The following COL8A1 variants were observed in gnomAD, a reference collection of about 807,000 sequenced individuals.
COL8A1 encodes the protein collagen alpha-1(VIII) chain.
COL8A1 carries 21 observed loss-of-function variants against 42.7 expected under a neutral mutation model. That is an observed-to-expected ratio of 0.49 (90% CI 0.35 to 0.71). The LOEUF (loss-of-function observed/expected upper bound fraction) is 0.71. Ranked by LOEUF, COL8A1 falls within the 30% of genes least tolerant of loss-of-function variation. COL8A1 has a pLI of 0.01. For missense variants in COL8A1, 788 were observed against 962.4 expected (o/e 0.82, Z 2.40); for synonymous variants, 367 against 369.1 (o/e 0.99, Z 0.06).
intron 1 of COL8A1, among the ~76,000 whole-genome samples, chr3:99,684,866 T>C (rs1045478384): frequency 2.0e-5 from 3 of 152,206 alleles, no homozygotes; most frequent in Non-Finnish European, 2.9e-5. Context: ...GAAATATTTT[T>C]GGACTGGATT....
At chr3:99,715,049 A>G (rs1181765157) in intron 1 of COL8A1, among the ~76,000 whole-genome samples, 1 of 152,090 alleles carries the variant, frequency 6.6e-6, no homozygotes, top group Non-Finnish European at 1.5e-5. Flanking sequence ...CAAGCACAGT[A>G]TAGTCAGGTT....
At chr3:99,771,969 A>C (rs1482456673) in intron 2 of COL8A1, among the ~76,000 whole-genome samples, 2 of 152,212 alleles carry the variant, frequency 1.3e-5, no homozygotes, top group Non-Finnish European at 2.9e-5. Flanking sequence ...ATCCAATGAT[A>C]CCATTGTCAG....
intron 1 of COL8A1, among the ~76,000 whole-genome samples, chr3:99,699,362 G>T (rs1343978901): frequency 6.6e-6 from 1 of 152,160 alleles, no homozygotes; most frequent in African/African-American, 2.4e-5. Context: ...GCCTGTCTCT[G>T]CCTTAGTCTT....
At chr3:99,705,763 T>A (rs1452125463) in intron 1 of COL8A1, among the ~76,000 whole-genome samples, 1 of 152,158 alleles carries the variant, frequency 6.6e-6, no homozygotes, top group African/African-American at 2.4e-5. Flanking sequence ...TGGGGATGAA[T>A]AAACTCCTGC....
intron 1 of COL8A1, among the ~76,000 whole-genome samples, chr3:99,712,307 G>C (rs1939859239): frequency 1.3e-5 from 2 of 152,178 alleles, no homozygotes; most frequent in South Asian, 2.1e-4. Context: ...TGTGAATTGA[G>C]GATAAAGGCA....
chr3:99,736,070 C>G (rs1270745508), intron 1 of COL8A1, among the ~76,000 whole-genome samples: 1 of 152,074 alleles, frequency 6.6e-6, no homozygotes, highest in African/African-American at 2.4e-5. Flanking sequence ...TGCTAGCGGT[C>G]TATCAATTTT....
intron 1 of COL8A1, among the ~76,000 whole-genome samples, chr3:99,697,965 C>A (rs969831869): frequency 6.6e-6 from 1 of 152,112 alleles, no homozygotes; most frequent in Non-Finnish European, 1.5e-5. Flanking sequence ...ATCCCTCCCC[C>A]ACCCCCTCAC....
chr3:99,642,337 G>A (rs1217983002), intron 1 of COL8A1, among the ~76,000 whole-genome samples: 5 of 152,184 alleles, frequency 3.3e-5, no homozygotes, highest in African/African-American at 1.2e-4. Flanking sequence ...AGGTTAGAAT[G>A]TCTACAAGCC....
chr3:99,701,148 G>A (rs1264707724), intron 1 of COL8A1, among the ~76,000 whole-genome samples: 2 of 152,190 alleles, frequency 1.3e-5, no homozygotes, highest in African/African-American at 4.8e-5. Context: ...GGCCCCGGCT[G>A]AGGCAACTGG....
intron 2 of COL8A1, among the ~76,000 whole-genome samples, chr3:99,750,559 A>G (rs1941125510): frequency 6.6e-6 from 1 of 152,194 alleles, no homozygotes; most frequent in South Asian, 2.1e-4. Flanking sequence ...TGATAAAGAC[A>G]AAATTGTCCA....
At chr3:99,764,223 G>A (rs1941416974) in intron 2 of COL8A1, among the ~76,000 whole-genome samples, 1 of 152,158 alleles carries the variant, frequency 6.6e-6, no homozygotes, top group Admixed American at 6.5e-5. Flanking sequence ...AAACATTAGA[G>A]ATTGTGCCTT....
In COL8A1 at chr3:99,794,745, CCCCAGGGCCCCCTGGGAAA is replaced by C; in HGVS notation, c.845_863del (p.Pro282ArgfsTer93). ...ACCAGGAGTGACAGGCTTCCCTGGG[CCCCAGGGCCCCCTGGGAAA>C]GCCAGGGGCTCCAGGAGAACCTGGG... On this transcript the variant is annotated frameshift_variant, in exon 4 of 4. Coordinates refer to ENST00000652472, the MANE Select transcript of COL8A1 (RefSeq NM_020351.4). LOFTEE classifies it high-confidence loss of function. The surrounding 1 kb of genome is among the most constrained non-coding windows in gnomAD (Gnocchi z 4.3). The C allele has an allele frequency of 1.3e-6, 2 of 1,598,810 alleles. No individual in the cohort carries two copies. Among genetic ancestry groups the C allele is most frequent in the South Asian group, 2.2e-5 (2 of 89,756 alleles).
rs796731523 is a variant in COL8A1, at chr3:99,659,913, G to C, written c.-129+21249G>C. ...ATTCCCTATGAACCAGAATATATGT[G>C]ATGTGGGCAGGAAAAACAATACATA... is the stretch of plus-strand genomic sequence containing the variant. On this transcript the variant is annotated intron_variant, in intron 1 of 3. Transcript: ENST00000652472. Among the ~76,000 whole-genome samples, 54 of 152,304 alleles carry C rather than the reference G, an allele frequency of 3.5e-4. 1 individual carries two copies. The highest frequency in any genetic ancestry group is 1.3e-3 in the African/African-American group (53 of 41,560).
intron 2 of COL8A1, among the ~76,000 whole-genome samples, chr3:99,789,347 T>C (rs562866310): frequency 3.7e-4 from 56 of 152,306 alleles, no homozygotes; most frequent in African/African-American, 1.3e-3. Context: ...TTCCAGAAGA[T>C]ACTTACATTA....
chr3:99,668,793 C>G (rs1349631941), intron 1 of COL8A1, among the ~76,000 whole-genome samples: 5 of 152,146 alleles, frequency 3.3e-5, no homozygotes, highest in African/African-American at 1.2e-4. Context: ...GGCACAGTAT[C>G]AGCTTCTGTT....
In COL8A1 at chr3:99,796,981, C is replaced by A. The variant is rs954195843; in HGVS notation, c.*845C>A. 48 of 152,290 alleles carry A rather than the reference C, an allele frequency of 3.2e-4. No homozygotes were observed. The highest frequency in any genetic ancestry group is 1.2e-3 in the African/African-American group (48 of 41,564). The allele number at this position is 152,290 out of a possible 1,614,324, so 9.4% of individuals were successfully genotyped here. A position where few individuals can be genotyped will look rare whatever the true frequency, so the allele number is the denominator to read the frequency against. On this transcript the variant is annotated 3_prime_UTR_variant, in exon 4 of 4. Coordinates refer to ENST00000652472, the MANE Select transcript of COL8A1 (RefSeq NM_020351.4). ...TTTCTGTGACTTATTTTCCTATTTTCTTTCCTCCATGTAATTTTCACTATG... is the reference window on the plus strand; with the variant it reads ...TTTCTGTGACTTATTTTCCTATTTTATTTCCTCCATGTAATTTTCACTATG...
chr3:99,709,816 A>T (rs1265292882), intron 1 of COL8A1, among the ~76,000 whole-genome samples: 4 of 152,286 alleles, frequency 2.6e-5, no homozygotes, highest in Middle Eastern at 6.8e-3. Flanking sequence ...GTTTTTTGAA[A>T]TGTTTTTAAG....
intron 1 of COL8A1, among the ~76,000 whole-genome samples, chr3:99,742,667 A>T (rs1476041132): frequency 6.6e-6 from 1 of 152,196 alleles, no homozygotes; most frequent in Non-Finnish European, 1.5e-5. Context: ...GGGTTGAAAA[A>T]CGGCAATTTA....
chr3:99,793,308 T>C (rs1942037163), intron 3 of COL8A1, among the ~76,000 whole-genome samples: 1 of 152,190 alleles, frequency 6.6e-6, no homozygotes, highest in Non-Finnish European at 1.5e-5. Flanking sequence ...AAATAAGTAT[T>C]TGAAGTGATA....
Sources: gnomAD v4.1 joint callset for allele counts (sites outside exome capture counted in the v4.1 genomes callset) on GRCh38, gnomAD v4.1.1 for gene constraint, Gnocchi (gnomAD v3.1) non-coding constraint, MANE v1.5 for transcripts, NCBI Gene and HGNC (gene_info 2026-07-23, HGNC 2026-07-21) for gene names.